The following LAMTOR2 variants were observed in gnomAD, a reference collection of about 807,000 sequenced individuals.
The protein encoded by LAMTOR2 is ragulator complex protein LAMTOR2.
Under a neutral mutation model 15.8 loss-of-function variants are expected in LAMTOR2, and 4 were observed. The observed-to-expected ratio is 0.25, with a 90% CI of 0.12 to 0.58. The LOEUF (loss-of-function observed/expected upper bound fraction) is 0.58, where lower values mean the gene tolerates loss of function less well. Among genes scored for constraint, LAMTOR2 ranks in the 20% least tolerant of loss-of-function variants. The pLI is 0.91. For missense variants in LAMTOR2, 100 were observed against 161.0 expected (o/e 0.62, Z 2.05); for synonymous variants, 62 against 64.1 (o/e 0.97, Z 0.15).
rs766399102 is a variant in LAMTOR2 at position 156,054,952 on chromosome 1, C to T, written c.63C>T (p.Ser21=). The T allele has an allele frequency of 1.9e-6, 3 of 1,612,140 alleles. No individual in the cohort carries two copies. Among genetic ancestry groups the T allele is most frequent in the Non-Finnish European group, 2.5e-6 (3 of 1,179,594 alleles). ...LSQANTGGVQ[S]TLLLNNEGSL... is the part of the protein sequence containing the mutation. The stretch of plus-strand genomic sequence containing the variant: ...AAGCCAACACTGGAGGCGTCCAGAG[C>T]ACCCTGTGAGTGCAGACCACGGACC... The change falls in exon 1 of 4, where the codon AGC becomes AGT. Residue 21 remains serine, a synonymous_variant. Transcript: ENST00000368305.
chr1:156,055,293 C>G lies in LAMTOR2; in HGVS notation c.99C>G (p.Ala33=). 1 of 1,614,202 alleles carries G rather than the reference C, an allele frequency of 6.2e-7. No individual in the cohort carries two copies. Among genetic ancestry groups the G allele is most frequent in the South Asian group, 1.1e-5 (1 of 91,090 alleles). ...TGAATAACGAGGGATCACTGCTGGC[C>G]TACTCTGGTTACGGGGACACTGACG... The part of the protein sequence containing the change: ...LLLNNEGSLL[A]YSGYGDTDAR... The change falls in exon 2 of 4, where the codon GCC becomes GCG. Residue 33 remains alanine, a synonymous_variant. Coordinates refer to ENST00000368305, the MANE Select transcript of LAMTOR2 (RefSeq NM_014017.4). The surrounding 1 kb of genome is among the most constrained non-coding windows in gnomAD (Gnocchi z 4.8).
In LAMTOR2 at chr1:156,057,164, C is replaced by G. The variant is rs1329225548; in HGVS notation, c.232-814C>G. The stretch of plus-strand genomic sequence containing the variant: ...CTGCACTCCAGCCTGGGCAACAGAG[C>G]AAGACTCCATCTCAAAAAAAAAAAA... On this transcript the variant is annotated intron_variant, in intron 2 of 3. Transcript: ENST00000368305. 2.5e-5 allele frequency among the ~76,000 whole-genome samples: 3 copies of G among 118,220 alleles called. No individual in the cohort carries two copies. The East Asian group carries it at 8.7e-4, about 34-fold the overall frequency. 77.6% of individuals were successfully genotyped at this position (118,220 alleles called of 152,430 possible).
chr1:156,056,577 G>T (rs1022896659), intron 2 of LAMTOR2, among the ~76,000 whole-genome samples: 1 of 152,186 alleles, frequency 6.6e-6, no homozygotes, highest in Middle Eastern at 3.2e-3. Flanking sequence ...TGGTATGGCT[G>T]GAGTTACGTG....
intron 3 of LAMTOR2, 79 bp downstream of exon 3, chr1:156,058,146 T>C: frequency 6.6e-7 from 1 of 1,521,582 alleles, no homozygotes; most frequent in Non-Finnish European, 9.1e-7. Flanking sequence ...ACCAGGACCC[T>C]GTTTCTAGAG....
rs1391192975 is a variant in LAMTOR2 at position 156,055,588 on chromosome 1, A to G, written c.231+163A>G. The G allele has an allele frequency of 3.9e-6, 3 of 769,744 alleles. No individual in the cohort carries two copies. Among genetic ancestry groups the G allele is most frequent in the African/African-American group, 3.4e-5 (2 of 58,114 alleles). The allele number at this position is 769,744 out of a possible 1,614,324, so 47.7% of individuals were successfully genotyped here. ...TGTAATAGGCAGGACCCTATTCATCAAGTGGTGGTGAGGAAGGATCCCTGG... is the reference window on the plus strand; with the variant it reads ...TGTAATAGGCAGGACCCTATTCATCGAGTGGTGGTGAGGAAGGATCCCTGG... On this transcript the variant is annotated intron_variant, in intron 2 of 3. Coordinates refer to ENST00000368305, the MANE Select transcript of LAMTOR2 (RefSeq NM_014017.4). This position sits in a 1 kb window ranked among gnomAD's most constrained non-coding sequence, Gnocchi z 4.8.
chr1:156,058,087 T>A lies in LAMTOR2; in HGVS notation c.321+20T>A. 1.2e-6 allele frequency: 2 copies of A among 1,611,048 alleles called. No homozygotes were observed. The highest frequency in any genetic ancestry group is 1.7e-6 in the Non-Finnish European group (2 of 1,177,214). ...GCCAAGGTGTGTATGTGCCCATCCC[T>A]CCATAGCCCTGGGCCCAGCCTTCGT... On this transcript the variant is annotated intron_variant, in intron 3 of 3. Transcript: ENST00000368305.
chr1:156,058,298 C>G lies in LAMTOR2; in HGVS notation c.322-17C>G, dbSNP rs769856554. 1.9e-6 allele frequency: 3 copies of G among 1,614,140 alleles called. No homozygotes were observed. The East Asian group carries it at 6.7e-5, about 36-fold the overall frequency. ...GCCAGGCTGTGTGCGGGACTGATCT[C>G]TGTTCTCCCTCTGCAGGCCCAGGCT... is the stretch of plus-strand genomic sequence containing the variant. On this transcript the variant is annotated splice_polypyrimidine_tract_variant and intron_variant, in intron 3 of 3. Transcript: ENST00000368305.
intron 2 of LAMTOR2, among the ~76,000 whole-genome samples, chr1:156,057,465 T>C (rs1394415072): frequency 2.6e-5 from 4 of 151,482 alleles, no homozygotes; most frequent in Non-Finnish European, 5.9e-5. Flanking sequence ...TGTAATATAC[T>C]TCATTTTTTC....
At chr1:156,056,875 G>A (rs2102764873) in intron 2 of LAMTOR2, among the ~76,000 whole-genome samples, 1 of 152,174 alleles carries the variant, frequency 6.6e-6, no homozygotes, top group East Asian at 1.9e-4. Flanking sequence ...CCACAACCCA[G>A]CCATAAGAAA....
At chr1:156,058,215 T>C (rs1647435786) in intron 3 of LAMTOR2, 100 bp from the exon 4 acceptor site, 1 of 1,545,744 alleles carries the variant, frequency 6.5e-7, no homozygotes, top group Non-Finnish European at 8.9e-7. Flanking sequence ...CAGGTGGGGG[T>C]TGGGGGCTGG....
Position 156,058,040 on chromosome 1 carries a change from C to G in LAMTOR2, c.294C>G (p.Thr98=). ...TGCTGTGTATGTATGCCAAGGAGAC[C>G]GTGGGCTTTGGAATGCTCAAGGCCA... ...NLLLCMYAKE[T]VGFGMLKAKA... is the part of the protein sequence containing the mutation. Residue 98 remains threonine, a synonymous_variant, in exon 3 of 4, where the codon ACC becomes ACG. Transcript: ENST00000368305. 1.2e-6 allele frequency: 2 copies of G among 1,614,136 alleles called. No homozygotes were observed. The highest frequency in any genetic ancestry group is 1.7e-6 in the Non-Finnish European group (2 of 1,180,008).
chr1:156,056,566 T>G (rs1647371485), intron 2 of LAMTOR2, among the ~76,000 whole-genome samples: 1 of 152,126 alleles, frequency 6.6e-6, no homozygotes, highest in Admixed American at 6.5e-5. Flanking sequence ...ACAGGGTTGG[T>G]TGGTATGGCT....
chr1:156,056,065 C>T (rs902076052), intron 2 of LAMTOR2: 5 of 155,496 alleles, frequency 3.2e-5, no homozygotes, highest in Non-Finnish European at 5.7e-5. Flanking sequence ...CACAGTGATA[C>T]AATCACGGCT....
At chr1:156,058,100 G>A (rs761919364) in intron 3 of LAMTOR2, 33 bp downstream of exon 3, 1 of 1,605,852 alleles carries the variant, frequency 6.2e-7, no homozygotes, top group Admixed American at 1.7e-5. Flanking sequence ...ATAGCCCTGG[G>A]CCCAGCCTTC....
chr1:156,055,194 T>TG lies in LAMTOR2; in HGVS notation c.69-66dup, dbSNP rs1348538425. 1.3e-6 allele frequency: 2 copies of TG among 1,597,984 alleles called. No individual in the cohort carries two copies. Among genetic ancestry groups the TG allele is most frequent in the Non-Finnish European group, 1.7e-6 (2 of 1,170,838 alleles). ...TGCTGGATGTGCCCTTGGTGGGACT[T>TG]GGGATGGAAACCCAGACGTTTTACT... is the stretch of plus-strand genomic sequence containing the variant. On this transcript the variant is annotated intron_variant, in intron 1 of 3. Coordinates refer to ENST00000368305, the MANE Select transcript of LAMTOR2 (RefSeq NM_014017.4). The surrounding 1 kb of genome is among the most constrained non-coding windows in gnomAD (Gnocchi z 4.8).
rs751849693 is a variant in LAMTOR2 at position 156,055,745 on chromosome 1, C to T, written c.231+320C>T. On this transcript the variant is annotated intron_variant, in intron 2 of 3. Coordinates refer to ENST00000368305, the MANE Select transcript of LAMTOR2 (RefSeq NM_014017.4). This position sits in a 1 kb window ranked among gnomAD's most constrained non-coding sequence, Gnocchi z 4.8. Reference sequence around the variant, plus strand: ...GAGAAGACAATAATTTCCCTCTCCCCGCTCCCCTCATGGGTTGTTGTGAAG... The same window carrying T: ...GAGAAGACAATAATTTCCCTCTCCCTGCTCCCCTCATGGGTTGTTGTGAAG... The T allele has an allele frequency of 2.5e-6, 1 of 399,466 alleles. No homozygotes were observed. The highest frequency in any genetic ancestry group is 4.8e-6 in the Non-Finnish European group (1 of 210,510). The allele number at this position is 399,466 out of a possible 1,614,324, so 24.7% of individuals were successfully genotyped here.
intron 2 of LAMTOR2, among the ~76,000 whole-genome samples, chr1:156,057,412 C>T (rs72708247): frequency 0.016 from 2,408 of 152,156 alleles, 38 homozygotes; most frequent in Non-Finnish European, 0.026. Context: ...CACACATAGA[C>T]CCACTAAAAC....
chr1:156,055,690 C>G lies in LAMTOR2; in HGVS notation c.231+265C>G, dbSNP rs1019214737. On this transcript the variant is annotated intron_variant, in intron 2 of 3. Transcript: ENST00000368305. The surrounding 1 kb of genome is among the most constrained non-coding windows in gnomAD (Gnocchi z 4.8). ...TGGAACCTTGGGTAAGTCGCTTAAC[C>G]TCTCTCAGCTTCCTTACCTCATGTT... 5.8e-6 allele frequency: 3 copies of G among 517,256 alleles called. No homozygotes were observed. The highest frequency in any genetic ancestry group is 1.1e-5 in the Non-Finnish European group (3 of 284,500). The allele number at this position is 517,256 out of a possible 1,614,324, so 32.0% of individuals were successfully genotyped here.
At chr1:156,056,729 G>A (rs986764642) in intron 2 of LAMTOR2, among the ~76,000 whole-genome samples, 5 of 152,044 alleles carry the variant, frequency 3.3e-5, no homozygotes, top group African/African-American at 1.2e-4. Flanking sequence ...AACTCTCCAG[G>A]AAGGATCTTC....
Sources: gnomAD v4.1 joint callset for allele counts (sites outside exome capture counted in the v4.1 genomes callset) on GRCh38, gnomAD v4.1.1 for gene constraint, Gnocchi (gnomAD v3.1) non-coding constraint, MANE v1.5 for transcripts, NCBI Gene and HGNC (gene_info 2026-07-23, HGNC 2026-07-21) for gene names.